Variants in OXCT1 observed in about 807,000 individuals in gnomAD.
OXCT1 encodes 3-oxoacid CoA-transferase 1.
Under a neutral mutation model 69.6 loss-of-function variants are expected in OXCT1, and 27 were observed. The observed-to-expected ratio is 0.39, with a 90% confidence interval of 0.29 to 0.54. The LOEUF is 0.54. Among genes scored for constraint, OXCT1 ranks in the 20% least tolerant of loss-of-function variants. The pLI, the probability that OXCT1 is intolerant of heterozygous loss-of-function variation, is 0.72. For synonymous variants in OXCT1, 202 were observed against 217.8 expected (o/e 0.93, Z 0.64); for missense variants, 437 against 650.2 (o/e 0.67, Z 3.57).
chr5:41,867,597 T>C (rs995823776), intron 1 of OXCT1, among the ~76,000 whole-genome samples: 6 of 152,224 alleles, frequency 3.9e-5, no homozygotes, highest in Non-Finnish European at 8.8e-5. Flanking sequence ...GGATGGATAC[T>C]GGTGCTGTTA....
chr5:41,862,829 G>C (rs1402300273), intron 1 of OXCT1, 79 bp from the exon 2 acceptor site: 2 of 823,002 alleles, frequency 2.4e-6, no homozygotes, highest in African/African-American at 3.4e-5. Context: ...TTATTCAATT[G>C]ATAGACAAAT....
intron 7 of OXCT1, among the ~76,000 whole-genome samples, chr5:41,823,535 C>T (rs963387943): frequency 6.6e-6 from 1 of 152,146 alleles, no homozygotes; most frequent in African/African-American, 2.4e-5. Context: ...TGTGATTCTC[C>T]GTATTAGCCT....
At chr5:41,798,442 T>C (rs929242861) in intron 11 of OXCT1, among the ~76,000 whole-genome samples, 3 of 152,124 alleles carry the variant, frequency 2.0e-5, no homozygotes, top group Admixed American at 2.0e-4. Context: ...TGCTGTGGGA[T>C]GTTTATCAGC....
intron 14 of OXCT1, 85 bp from the exon 15 acceptor site, chr5:41,749,692 T>C: frequency 1.2e-6 from 1 of 839,242 alleles, no homozygotes; most frequent in South Asian, 1.4e-5. Flanking sequence ...AAACAGAAAC[T>C]ATCAGAGAAA....
At chr5:41,757,171 AGT>A (rs753465774) in intron 14 of OXCT1, among the ~76,000 whole-genome samples, 5 of 152,096 alleles carry the variant, frequency 3.3e-5, no homozygotes, top group Non-Finnish European at 5.9e-5. Flanking sequence ...TGTGTGTTTA[AGT>A]GTGAGTATAT....
At chr5:41,749,437 A>T in intron 15 of OXCT1, 90 bp downstream of exon 15, 1 of 747,708 alleles carries the variant, frequency 1.3e-6, no homozygotes. Context: ...TAATCCTATG[A>T]CTACTGGTGT....
At chr5:41,854,695 T>C (rs1749349072) in intron 3 of OXCT1, among the ~76,000 whole-genome samples, 1 of 152,210 alleles carries the variant, frequency 6.6e-6, no homozygotes, top group Admixed American at 6.5e-5. Context: ...TGGGGAAGTA[T>C]TTTTCGTAGC....
chr5:41,740,775 G>A (rs1311556119), intron 15 of OXCT1, among the ~76,000 whole-genome samples: 1 of 152,082 alleles, frequency 6.6e-6, no homozygotes, highest in Non-Finnish European at 1.5e-5. Flanking sequence ...AGCTAAAACT[G>A]CTTCTCCTAT....
chr5:41,822,681 T>C (rs1747615322), intron 7 of OXCT1, among the ~76,000 whole-genome samples: 1 of 152,112 alleles, frequency 6.6e-6, no homozygotes, highest in Admixed American at 6.5e-5. Flanking sequence ...ACCATGTTCA[T>C]CAGGCTGCTC....
rs370207766 is a variant in OXCT1, at chr5:41,800,999, G to A, written c.1099+23C>T. On this transcript the variant is annotated intron_variant, in intron 11 of 16. Coordinates refer to ENST00000196371, the MANE Select transcript of OXCT1 (RefSeq NM_000436.4). ...AGCACAAAATTAATAGCAAAGGGAA[G>A]GGCTAGAAATAAGTGAGCTTACCTG... The A allele has an allele frequency of 4.9e-5, 79 of 1,601,148 alleles. 2 individuals carry two copies. In the South Asian group the frequency reaches 8.4e-4, roughly 17 times the overall value.
intron 5 of OXCT1, among the ~76,000 whole-genome samples, chr5:41,844,356 T>A (rs1748788950): frequency 6.6e-6 from 1 of 152,196 alleles, no homozygotes; most frequent in Non-Finnish European, 1.5e-5. Flanking sequence ...ATCCAATGAT[T>A]CAATTCCAGG....
At chr5:41,781,057 C>T (rs1745374279) in intron 13 of OXCT1, among the ~76,000 whole-genome samples, 1 of 152,148 alleles carries the variant, frequency 6.6e-6, no homozygotes, top group Non-Finnish European at 1.5e-5. Flanking sequence ...GCACCCACCA[C>T]CACGCCCAGC....
At chr5:41,802,669 A>G (rs12186512) in intron 10 of OXCT1, among the ~76,000 whole-genome samples, 37,650 of 151,946 alleles carry the variant, frequency 0.25, 5,094 homozygotes, top group Middle Eastern at 0.35. Flanking sequence ...ATCTTGTCCA[A>G]CAACAGAAGG....
At chr5:41,846,525 C>A (rs1462168011) in intron 5 of OXCT1, among the ~76,000 whole-genome samples, 3 of 149,920 alleles carry the variant, frequency 2.0e-5, no homozygotes, top group African/African-American at 7.4e-5. Context: ...TTAATCCAGT[C>A]TATCATTGTT....
intron 3 of OXCT1, among the ~76,000 whole-genome samples, chr5:41,854,452 T>C (rs1749334893): frequency 6.6e-6 from 1 of 152,186 alleles, no homozygotes; most frequent in African/African-American, 2.4e-5. Flanking sequence ...ACTGAATGAA[T>C]TATTTTTCCA....
chr5:41,869,364 G>A (rs1750166185), intron 1 of OXCT1, among the ~76,000 whole-genome samples: 1 of 152,216 alleles, frequency 6.6e-6, no homozygotes, highest in South Asian at 2.1e-4. Context: ...TGAGACGGCG[G>A]GGATAAAGCC....
At chr5:41,767,803 CA>C (rs1445667531) in intron 13 of OXCT1, among the ~76,000 whole-genome samples, 51 of 147,428 alleles carry the variant, frequency 3.5e-4, no homozygotes, top group African/African-American at 1.3e-3. Context: ...CTGCATATCA[CA>C]GTGTCTTCCA....
At position 41,800,587 on chromosome 5, in the gene OXCT1, A is replaced by G. The variant is rs1746376470; in HGVS notation, c.1099+435T>C. Reference sequence around the variant, plus strand: ...GTGGCCAGTTCCTCTACCAAAGGCCACAGTTCCATTAAGTGGCCTTTGGTA... The same window carrying G: ...GTGGCCAGTTCCTCTACCAAAGGCCGCAGTTCCATTAAGTGGCCTTTGGTA... On this transcript the variant is annotated intron_variant, in intron 11 of 16. Transcript: ENST00000196371. Among the ~76,000 whole-genome samples the G allele has an allele frequency of 3.3e-5, 5 of 151,302 alleles. No homozygotes were observed. The South Asian group carries it at 1.1e-3, about 32-fold the overall frequency.
intron 5 of OXCT1, among the ~76,000 whole-genome samples, chr5:41,844,400 T>A (rs1748791619): frequency 6.6e-6 from 1 of 152,094 alleles, no homozygotes; most frequent in African/African-American, 2.4e-5. Context: ...ACTCAGTTGA[T>A]CATTCCCTTC....
Sources: allele counts gnomAD v4.1 joint callset (sites outside exome capture counted in the v4.1 genomes callset), GRCh38; gene constraint gnomAD v4.1.1; transcripts MANE v1.5; gene names NCBI Gene and HGNC (gene_info 2026-07-23, HGNC 2026-07-21).